MAMDC4: variants seen among roughly 807,000 people sequenced by gnomAD.
MAMDC4 encodes apical endosomal glycoprotein.
In MAMDC4, 168 loss-of-function variants were observed where a neutral mutation model predicts 153.3. That is an observed-to-expected ratio of 1.10 (90% CI 0.97 to 1.25). The LOEUF is 1.25. Among genes scored for constraint, MAMDC4 ranks in the 50% most tolerant of loss-of-function variants. MAMDC4 has a pLI of 0.00. For synonymous variants in MAMDC4, 744 were observed against 651.5 expected, an observed-to-expected ratio of 1.14 and a Z score of -2.16; for missense variants, 1,701 against 1,542.8, an observed-to-expected ratio of 1.10 and a Z score of -1.72.
chr9:136,855,703 C>T (rs1431050768), intron 12 of MAMDC4, 29 bp from the exon 13 acceptor site: 4 of 1,572,636 alleles, frequency 2.5e-6, no homozygotes, highest in South Asian at 1.2e-5. Context: ...TCTGAGGACT[C>T]TGCCATTCAG....
Position 136,854,196 on chromosome 9 carries a change from C to A in MAMDC4, c.671-15C>A, listed in dbSNP as rs371234598. 3 of 1,611,946 alleles carry A rather than the reference C, an allele frequency of 1.9e-6. No individual in the cohort carries two copies. The highest frequency in any genetic ancestry group is 2.2e-5 in the East Asian group (1 of 44,866). On this transcript the variant is annotated splice_polypyrimidine_tract_variant and intron_variant, in intron 6 of 26. Coordinates refer to ENST00000317446, the MANE Select transcript of MAMDC4 (RefSeq NM_206920.3). ...TCCTGGGGCCTCGGTGAAGGGTTAACCCTGCCCCACCCAGCCCCCCAGGCC... is the reference window on the plus strand; with the variant it reads ...TCCTGGGGCCTCGGTGAAGGGTTAAACCTGCCCCACCCAGCCCCCCAGGCC...
intron 1 of MAMDC4, 92 bp from the exon 2 acceptor site, chr9:136,853,010 A>C: frequency 9.4e-7 from 1 of 1,066,466 alleles, no homozygotes; most frequent in Non-Finnish European, 1.4e-6. Context: ...CCCGGACAAA[A>C]GATGTCCAGT....
At chr9:136,857,911 T>A in intron 19 of MAMDC4, 68 bp from the exon 20 acceptor site, 1 of 1,475,448 alleles carries the variant, frequency 6.8e-7, no homozygotes, top group Non-Finnish European at 9.0e-7. Context: ...GCTGGGAGCC[T>A]GGGAGCTCAG....
At position 136,854,937 on chromosome 9, in the gene MAMDC4, C is replaced by T; in HGVS notation, c.1024C>T (p.Leu342=). 6.2e-7 allele frequency: 1 copy of T among 1,611,776 alleles called. No individual in the cohort carries two copies. Among genetic ancestry groups the T allele is most frequent in the South Asian group, 1.1e-5 (1 of 90,964 alleles). Residue 342 remains leucine, a splice_region_variant and synonymous_variant, in exon 10 of 27, where the codon CTG becomes TTG. Coordinates refer to ENST00000317446, the MANE Select transcript of MAMDC4 (RefSeq NM_206920.3). ...CCCCAGCCAGCTCTTGGTTCCACAG[C>T]TGGTCTTCTATCAGTACCTGAGTGG... The part of the protein sequence containing the change: ...FQASGTSNCS[L]VFYQYLSGSE...
chr9:136,858,807 C>G lies in MAMDC4; in HGVS notation c.2910C>G (p.Ala970=). ...GCGAGCCTCTGCCGGCCACCCCAGC[C>G]TCCTGCCTCCGCTTCTGGTACCACA... ...LRSEPLPATP[A]SCLRFWYHMG... is the part of the protein sequence containing the mutation. The change falls in exon 23 of 27, where the codon GCC becomes GCG. Residue 970 remains alanine (A), a synonymous_variant. Coordinates refer to ENST00000317446, the MANE Select transcript of MAMDC4 (RefSeq NM_206920.3). The G allele has an allele frequency of 1.2e-6, 2 of 1,610,672 alleles. No individual in the cohort carries two copies. Among genetic ancestry groups the G allele is most frequent in the African/African-American group, 2.7e-5 (2 of 74,960 alleles).
rs778015764 is a variant in MAMDC4, at chr9:136,857,726, C to A, written c.2394C>A (p.Ser798=). 1 of 1,612,640 alleles carries A rather than the reference C, an allele frequency of 6.2e-7. No homozygotes were observed. ...LPRGQTASLT[S]KEHRPLAQPA... ...GGGGCCAGACGGCCTCCCTGACCTC[C>A]AAGGAGCACAGGCCCCTGGCCCAGC... The change falls in exon 19 of 27, where the codon TCC becomes TCA. Residue 798 remains serine, a synonymous_variant. Coordinates refer to ENST00000317446, the MANE Select transcript of MAMDC4 (RefSeq NM_206920.3).
In MAMDC4 at chr9:136,852,440, G is replaced by T. The variant is rs946057838; in HGVS notation, c.24G>T (p.Leu8=). 10 of 1,610,230 alleles carry T rather than the reference G, an allele frequency of 6.2e-6. No individual in the cohort carries two copies. The highest frequency in any genetic ancestry group is 1.7e-5 in the Admixed American group (1 of 60,004). Residue 8 remains leucine, a synonymous_variant, in exon 1 of 27, where the codon CTG becomes CTT. Coordinates refer to ENST00000317446, the MANE Select transcript of MAMDC4 (RefSeq NM_206920.3). MPLSSHL[L]PALVLFLAGS... is the part of the protein sequence containing the mutation. ...CCATGCCTCTGTCCAGCCACCTGCTGCCCGCCTTGGTCCTGTTCCTGGGTA... is the reference window on the plus strand; with the variant it reads ...CCATGCCTCTGTCCAGCCACCTGCTTCCCGCCTTGGTCCTGTTCCTGGGTA...
intron 25 of MAMDC4, 36 bp from the exon 26 acceptor site, chr9:136,859,850 T>C: frequency 6.2e-7 from 1 of 1,609,134 alleles, no homozygotes; most frequent in Non-Finnish European, 8.5e-7. Context: ...ATGTGGGGGC[T>C]GCTTTGGAGG....
In MAMDC4 at chr9:136,853,680, G is replaced by A. The variant is rs1275483335; in HGVS notation, c.454+10G>A. On this transcript the variant is annotated intron_variant, in intron 4 of 26. Coordinates refer to ENST00000317446, the MANE Select transcript of MAMDC4 (RefSeq NM_206920.3). ...CACGCGGCCTCTGGAGGTGCACCCTGGACCCCCAAGGCTCGTGGGGGGTGC... is the reference window on the plus strand; with the variant it reads ...CACGCGGCCTCTGGAGGTGCACCCTAGACCCCCAAGGCTCGTGGGGGGTGC... 1 of 1,552,056 alleles carries A rather than the reference G, an allele frequency of 6.4e-7. No individual in the cohort carries two copies. Among genetic ancestry groups the A allele is most frequent in the Admixed American group, 1.7e-5 (1 of 57,928 alleles).
chr9:136,852,358 T>A lies in MAMDC4; in HGVS notation c.-59T>A, dbSNP rs972439482. On this transcript the variant is annotated 5_prime_UTR_variant, in exon 1 of 27. Coordinates refer to ENST00000317446, the MANE Select transcript of MAMDC4 (RefSeq NM_206920.3). ...AGCGTGCGGGGCCAGCGCAGGCTGA[T>A]AACCGCACGGAACTTCCCAGGCACC... The A allele has an allele frequency of 3.1e-6, 5 of 1,593,642 alleles. No individual in the cohort carries two copies. In the African/African-American group the frequency reaches 6.7e-5, roughly 21 times the overall value.
At position 136,859,375 on chromosome 9, in the gene MAMDC4, G is replaced by A. The variant is rs868772849; in HGVS notation, c.3193+58G>A. ...AGGGCCCAAGGGGCCAGCCTGGCTC[G>A]GGGTTTGCCAGGCTTACCAGTGTGT... On this transcript the variant is annotated intron_variant, in intron 25 of 26. Transcript: ENST00000317446. The A allele has an allele frequency of 2.0e-5, 30 of 1,484,126 alleles. No individual in the cohort carries two copies. In the South Asian group the frequency reaches 2.4e-4, roughly 12 times the overall value. The allele number at this position is 1,484,126 out of a possible 1,614,324, so 91.9% of individuals were successfully genotyped here. A position where few individuals can be genotyped will look rare whatever the true frequency, so the allele number is the denominator to read the frequency against.
Position 136,859,754 on chromosome 9 carries a change from C to A in MAMDC4, c.3194-132C>A, listed in dbSNP as rs759201399. 5.5e-6 allele frequency: 5 copies of A among 903,270 alleles called. No individual in the cohort carries two copies. In the East Asian group the frequency reaches 8.0e-5, roughly 14 times the overall value. 56.0% of individuals were successfully genotyped at this position (903,270 alleles called of 1,614,324 possible). Reference sequence around the variant, plus strand: ...CATCCTTGTGGTAGCAGAACCAATACCCTCTGCCTTTGAAATAGGGGTGAA... The same window carrying A: ...CATCCTTGTGGTAGCAGAACCAATAACCTCTGCCTTTGAAATAGGGGTGAA... On this transcript the variant is annotated intron_variant, in intron 25 of 26. Transcript: ENST00000317446.
chr9:136,859,509 G>A, intron 25 of MAMDC4, 192 bp downstream of exon 25: 1 of 629,824 alleles, frequency 1.6e-6, no homozygotes. Flanking sequence ...GCCGCTGCCT[G>A]GGCTGGGCTG....
At chr9:136,860,429 G>A in intron 26 of MAMDC4, 133 bp from the exon 27 acceptor site, 1 of 941,356 alleles carries the variant, frequency 1.1e-6, no homozygotes, top group African/African-American at 1.7e-5. Flanking sequence ...GCTGAGGCAG[G>A]AGAATCGCTT....
chr9:136,858,895 A>G, intron 23 of MAMDC4, 42 bp downstream of exon 23: 1 of 1,584,536 alleles, frequency 6.3e-7, no homozygotes, highest in Non-Finnish European at 8.6e-7. Flanking sequence ...CAACGGGGGC[A>G]GCAGGGGTCC....
Position 136,857,312 on chromosome 9 carries a change from C to G in MAMDC4, c.2106+14C>G. 1 of 1,606,246 alleles carries G rather than the reference C, an allele frequency of 6.2e-7. No homozygotes were observed. The highest frequency in any genetic ancestry group is 8.5e-7 in the Non-Finnish European group (1 of 1,177,488). On this transcript the variant is annotated intron_variant, in intron 17 of 26. Transcript: ENST00000317446. The stretch of plus-strand genomic sequence containing the variant: ...GCCCAGTACCAGGTGAGGCCTGGCA[C>G]CCGGGTGGGAGGACAGGGCAGGGCC...
rs146824664 is a variant in MAMDC4 at position 136,858,812 on chromosome 9, G to A, written c.2915G>A (p.Cys972Tyr). The A allele has an allele frequency of 6.2e-7, 1 of 1,610,672 alleles. No homozygotes were observed. The highest frequency in any genetic ancestry group is 1.1e-5 in the South Asian group (1 of 90,964). The change falls in exon 23 of 27, where the codon TGC becomes TAC. Residue 972 changes from cysteine to tyrosine, a missense_variant. Transcript: ENST00000317446. The stretch of plus-strand genomic sequence containing the variant: ...CCTCTGCCGGCCACCCCAGCCTCCT[G>A]CCTCCGCTTCTGGTACCACATGGGT... ...SEPLPATPAS[C>Y]LRFWYHMGFP...
At chr9:136,857,619 G>C in intron 18 of MAMDC4, 33 bp downstream of exon 18, 1 of 1,612,398 alleles carries the variant, frequency 6.2e-7, no homozygotes, top group Non-Finnish European at 8.5e-7. Flanking sequence ...GGGATTGAGG[G>C]GCTGGCCAGG....
In MAMDC4 at chr9:136,855,600, C is replaced by A. The variant is rs774258245; in HGVS notation, c.1452C>A (p.Gly484=). Residue 484 remains glycine, a synonymous_variant, in exon 12 of 27, where the codon GGC becomes GGA. Coordinates refer to ENST00000317446, the MANE Select transcript of MAMDC4 (RefSeq NM_206920.3). The part of the protein sequence containing the change: ...LCDFEEQCAG[G]EDEQACGTTD... ...ACTTCGAGGAGCAGTGCGCAGGGGGCGAGGACGAGCAGGCCTGTGGTAAAG... is the reference window on the plus strand; with the variant it reads ...ACTTCGAGGAGCAGTGCGCAGGGGGAGAGGACGAGCAGGCCTGTGGTAAAG... The A allele has an allele frequency of 6.3e-7, 1 of 1,582,836 alleles. No individual in the cohort carries two copies. Among genetic ancestry groups the A allele is most frequent in the Admixed American group, 1.8e-5 (1 of 55,910 alleles).
Sources: allele counts gnomAD v4.1 joint callset, GRCh38; gene constraint gnomAD v4.1.1; transcripts MANE v1.5; gene names NCBI Gene and HGNC (gene_info 2026-07-23, HGNC 2026-07-21).